The following FKBP14 variants were observed in gnomAD, a reference collection of about 807,000 sequenced individuals.
FKBP14 encodes FKBP prolyl isomerase 14.
FKBP14 carries 20 observed loss-of-function variants against 21.6 expected under a neutral mutation model. The observed-to-expected ratio is 0.92, with a 90% CI of 0.65 to 1.34. The LOEUF is 1.34. FKBP14 is among the 40% of genes most tolerant of loss of function. The probability of loss-of-function intolerance (pLI) is 0.00; values close to 1 mark genes in which losing one functional copy is unlikely to be tolerated. For synonymous variants in FKBP14, 79 were observed against 86.7 expected (o/e 0.91, Z 0.49); for missense variants, 253 against 249.0 (o/e 1.02, Z -0.11).
chr7:30,006,677 A>T (rs1789624119), downstream of FKBP14, among the ~76,000 whole-genome samples: 2 of 152,224 alleles, frequency 1.3e-5, no homozygotes. Flanking sequence ...ACTAACCCAC[A>T]TGCTGCAGGA....
chr7:30,015,860 C>T (rs941047659), intron 3 of FKBP14, among the ~76,000 whole-genome samples: 1 of 151,932 alleles, frequency 6.6e-6, no homozygotes, highest in Non-Finnish European at 1.5e-5. Context: ...CTCCTGACCT[C>T]GTGATCTGCC....
intron 1 of FKBP14, among the ~76,000 whole-genome samples, chr7:30,023,083 T>C (rs750913821): frequency 8.5e-5 from 13 of 152,188 alleles, no homozygotes; most frequent in Non-Finnish European, 1.6e-4. Context: ...ATTTGAACAT[T>C]TGTTGTATAC....
At chr7:30,007,202 A>G (rs1011589114), downstream of FKBP14, among the ~76,000 whole-genome samples, 1 of 134,146 alleles carries the variant, frequency 7.5e-6, no homozygotes, top group Non-Finnish European at 1.5e-5. Flanking sequence ...TCATAAAAAA[A>G]GTTCCTTTGT....
At position 30,026,511 on chromosome 7, in the gene FKBP14, T is replaced by G; in HGVS notation, c.-3A>C. On this transcript the variant is annotated 5_prime_UTR_variant, in exon 1 of 4. Transcript: ENST00000222803. ...GCGTTCCACAAGAAAAGCCTCATGT[T>G]GCTGAAGCAAGGAAAGAAGTCCCTA... 3.7e-6 allele frequency: 6 copies of G among 1,603,976 alleles called. No individual in the cohort carries two copies. Among genetic ancestry groups the G allele is most frequent in the Non-Finnish European group, 5.1e-6 (6 of 1,175,712 alleles).
intron 1 of FKBP14, among the ~76,000 whole-genome samples, chr7:30,023,854 C>A (rs1033999165): frequency 6.6e-6 from 1 of 152,122 alleles, no homozygotes; most frequent in Non-Finnish European, 1.5e-5. Context: ...CCTCATGATT[C>A]GATTACCTCC....
In FKBP14 at chr7:30,010,649, A is replaced by T. The variant is rs368207102; in HGVS notation, c.*4086T>A. 2.0e-5 allele frequency: 3 copies of T among 152,238 alleles called. No individual in the cohort carries two copies. The highest frequency in any genetic ancestry group is 2.0e-4 in the Admixed American group (3 of 15,278). The allele number at this position is 152,238 out of a possible 1,614,324, so 9.4% of individuals were successfully genotyped here. The stretch of plus-strand genomic sequence containing the variant: ...ACAATATAGTCATGTAAATTTAAAT[A>T]TGGCACACTGAGCAGTATTGACGCA... On this transcript the variant is annotated 3_prime_UTR_variant, in exon 4 of 4. Coordinates refer to ENST00000222803, the MANE Select transcript of FKBP14 (RefSeq NM_017946.4).
At chr7:30,016,801 A>G (rs751907033) in intron 3 of FKBP14, among the ~76,000 whole-genome samples, 5 of 152,120 alleles carry the variant, frequency 3.3e-5, no homozygotes, top group Non-Finnish European at 1.5e-5. Flanking sequence ...TAATTATATC[A>G]CCTCTCTTCC....
At position 30,014,400 on chromosome 7, in the gene FKBP14, T is replaced by C. The variant is rs561966758; in HGVS notation, c.*335A>G. On this transcript the variant is annotated 3_prime_UTR_variant, in exon 4 of 4. Coordinates refer to ENST00000222803, the MANE Select transcript of FKBP14 (RefSeq NM_017946.4). ...GGGAAGCAGAAATATAGGGTGCTAA[T>C]TTGTGCTATAACCTGGTCTCATGTC... The C allele has an allele frequency of 1.2e-5, 2 of 162,822 alleles. No homozygotes were observed. Among genetic ancestry groups the C allele is most frequent in the African/African-American group, 4.8e-5 (2 of 42,022 alleles). The allele number at this position is 162,822 out of a possible 1,614,324, so 10.1% of individuals were successfully genotyped here.
At chr7:30,009,846 A>AAC (rs1316460469), downstream of FKBP14, among the ~76,000 whole-genome samples, 2 of 151,656 alleles carry the variant, frequency 1.3e-5, no homozygotes, top group Non-Finnish European at 2.9e-5. Context: ...AAAAAAAAAA[A>AAC]AAATTAGCTG....
chr7:30,021,638 C>T (rs1790033504), intron 2 of FKBP14, among the ~76,000 whole-genome samples: 1 of 152,028 alleles, frequency 6.6e-6, no homozygotes, highest in South Asian at 2.1e-4. Flanking sequence ...TCATTGCAAC[C>T]TCTGCCTCAC....
chr7:30,018,926 A>T (rs1441579597), intron 3 of FKBP14, 70 bp downstream of exon 3: 7 of 1,530,892 alleles, frequency 4.6e-6, no homozygotes, highest in Non-Finnish European at 6.2e-6. Flanking sequence ...GAGTTACAAA[A>T]ACAAAACAAA....
chr7:30,007,813 C>G (rs1789643060), downstream of FKBP14, among the ~76,000 whole-genome samples: 1 of 152,090 alleles, frequency 6.6e-6, no homozygotes, highest in Admixed American at 6.6e-5. Flanking sequence ...CTTTGGGAGG[C>G]TGAGGTGGGG....
At chr7:30,020,650 T>A (rs1185205546) in intron 2 of FKBP14, among the ~76,000 whole-genome samples, 1 of 152,194 alleles carries the variant, frequency 6.6e-6, no homozygotes, top group African/African-American at 2.4e-5. Flanking sequence ...ATAAAAGTTA[T>A]ATGAATGCAA....
At chr7:30,009,935 G>A (rs1047751175), downstream of FKBP14, among the ~76,000 whole-genome samples, 9 of 152,100 alleles carry the variant, frequency 5.9e-5, no homozygotes, top group Non-Finnish European at 1.0e-4. Flanking sequence ...GGAGGCGGAG[G>A]TTGTGGTCAA....
At chr7:30,017,797 G>A (rs1425445059) in intron 3 of FKBP14, among the ~76,000 whole-genome samples, 1 of 151,970 alleles carries the variant, frequency 6.6e-6, no homozygotes, top group African/African-American at 2.4e-5. Context: ...GGCAGATCAC[G>A]AGGTCAGGAG....
Position 30,012,758 on chromosome 7 carries a change from C to CATTTCT in FKBP14, c.*1971_*1976dup, listed in dbSNP as rs1469467413. Reference sequence around the variant, plus strand: ...CAAGATTATGCTATGAAACTGAAGCCATTTCTATATCATAGTGAGAATTCT... The same window carrying CATTTCT: ...CAAGATTATGCTATGAAACTGAAGCCATTTCTATTTCTATATCATAGTGAGAATTCT... On this transcript the variant is annotated 3_prime_UTR_variant, in exon 4 of 4. Coordinates refer to ENST00000222803, the MANE Select transcript of FKBP14 (RefSeq NM_017946.4). 18 of 152,320 alleles carry CATTTCT rather than the reference C, an allele frequency of 1.2e-4. No homozygotes were observed. Among genetic ancestry groups the CATTTCT allele is most frequent in the Non-Finnish European group, 1.5e-5 (1 of 68,030 alleles). The allele number at this position is 152,320 out of a possible 1,614,324, so 9.4% of individuals were successfully genotyped here.
rs373762287 is a variant in FKBP14, at chr7:30,014,838, C to G, written c.533G>C (p.Ser178Thr). ...ATCCTCCACCAAAGCATCATGATGA[C>G]TTTCATTCACCACCGCACCATGTTT... ...FEKHGAVVNE[S>T]HHDALVEDIF... The change falls in exon 4 of 4, where the codon AGT (serine) becomes ACT (threonine). Residue 178 changes from serine to threonine, a missense_variant. Coordinates refer to ENST00000222803, the MANE Select transcript of FKBP14 (RefSeq NM_017946.4). 1.2e-6 allele frequency: 2 copies of G among 1,611,322 alleles called. No homozygotes were observed. The highest frequency in any genetic ancestry group is 2.7e-5 in the African/African-American group (2 of 74,786).
intron 1 of FKBP14, among the ~76,000 whole-genome samples, chr7:30,023,937 G>A (rs1790104169): frequency 6.6e-6 from 1 of 152,176 alleles, no homozygotes; most frequent in East Asian, 1.9e-4. Flanking sequence ...TGGGGCCATA[G>A]CGGAACCCTA....
At chr7:30,017,345 C>T (rs1583728416) in intron 3 of FKBP14, among the ~76,000 whole-genome samples, 3 of 151,988 alleles carry the variant, frequency 2.0e-5, no homozygotes, top group African/African-American at 7.2e-5. Flanking sequence ...CCAAGGCAGG[C>T]GGATCACAAA....
Sources: allele counts gnomAD v4.1 joint callset (sites outside exome capture counted in the v4.1 genomes callset), GRCh38; gene constraint gnomAD v4.1.1; transcripts MANE v1.5; gene names NCBI Gene and HGNC (gene_info 2026-07-23, HGNC 2026-07-21).